Variants in HDAC9 observed in about 807,000 individuals in gnomAD.
HDAC9 encodes the protein histone deacetylase 9, also known as MEF-2 interacting transcription repressor (MITR) protein.
HDAC9 carries 41 observed loss-of-function variants against 139.4 expected under a neutral mutation model. The observed-to-expected ratio is 0.29, with a 90% CI of 0.23 to 0.38. The LOEUF (loss-of-function observed/expected upper bound fraction) is 0.38. HDAC9 is among the 10% of genes least tolerant of loss of function. The pLI is 1.00. For missense variants in HDAC9, 1,147 were observed against 1,297.0 expected (o/e 0.88, Z 1.78); for synonymous variants, 517 against 476.2 (o/e 1.09, Z -1.12).
intron 23 of HDAC9, chr7:18,949,449 A>G (rs1157546106): frequency 8.8e-6 from 2 of 226,686 alleles, no homozygotes; most frequent in Admixed American, 4.1e-5. Flanking sequence ...GCCCTGAACT[A>G]TGCTTCAACC....
At chr7:18,954,409 A>C in intron 24 of HDAC9, 179 bp downstream of exon 24, 1 of 516,326 alleles carries the variant, frequency 1.9e-6, no homozygotes, top group Middle Eastern at 5.1e-4. Flanking sequence ...CTGATGACAA[A>C]ACGTAGAGAC....
At chr7:18,801,616 A>G (rs989838101) in intron 17 of HDAC9, among the ~76,000 whole-genome samples, 2 of 152,010 alleles carry the variant, frequency 1.3e-5, no homozygotes, top group Admixed American at 1.3e-4. Flanking sequence ...CTGTCTCTAT[A>G]TTTCTCTACT....
intron 15 of HDAC9, among the ~76,000 whole-genome samples, chr7:18,766,543 G>A (rs1789847387): frequency 6.6e-6 from 1 of 152,064 alleles, no homozygotes; most frequent in Non-Finnish European, 1.5e-5. Flanking sequence ...AGTGGCCTAT[G>A]GTGTACTTGG....
chr7:18,876,486 T>G (rs577321637), intron 22 of HDAC9, among the ~76,000 whole-genome samples: 12 of 152,180 alleles, frequency 7.9e-5, no homozygotes, highest in Non-Finnish European at 1.5e-4. Flanking sequence ...GAAAAATATA[T>G]ACAATGAGAA....
chr7:18,749,742 A>G (rs1225078332), intron 14 of HDAC9, among the ~76,000 whole-genome samples: 2 of 152,182 alleles, frequency 1.3e-5, no homozygotes, highest in Non-Finnish European at 2.9e-5. Flanking sequence ...CAACAGTCAT[A>G]TCAATTCAGA....
intron 2 of HDAC9, among the ~76,000 whole-genome samples, chr7:18,280,762 C>CAA (rs11459678): frequency 0.2 from 29,235 of 145,934 alleles, 3,172 homozygotes; most frequent in South Asian, 0.34. Context: ...GACCCTGTCT[C>CAA]AAAAAAAATA....
At chr7:18,444,905 A>G (rs1252914264) in intron 1 of HDAC9, among the ~76,000 whole-genome samples, 3 of 152,220 alleles carry the variant, frequency 2.0e-5, no homozygotes, top group Non-Finnish European at 4.4e-5. Flanking sequence ...CTAGCAATAG[A>G]AAATATTATC....
At chr7:18,983,151 T>C (rs1189106040) in intron 25 of HDAC9, among the ~76,000 whole-genome samples, 1 of 152,202 alleles carries the variant, frequency 6.6e-6, no homozygotes, top group Admixed American at 6.5e-5. Context: ...CTGCTTTCTG[T>C]TTCAGAGTTT....
chr7:18,186,554 A>G (rs1021004252), intron 2 of HDAC9, among the ~76,000 whole-genome samples: 1 of 152,194 alleles, frequency 6.6e-6, no homozygotes, highest in Non-Finnish European at 1.5e-5. Flanking sequence ...TAGGGAGAAA[A>G]TAGAAGAGAG....
chr7:18,723,024 C>G (rs1785255352), intron 12 of HDAC9, among the ~76,000 whole-genome samples: 1 of 152,116 alleles, frequency 6.6e-6, no homozygotes, highest in South Asian at 2.1e-4. Flanking sequence ...CCTCAAATCA[C>G]TGGACCTTTT....
chr7:18,681,001 A>C lies in HDAC9; in HGVS notation c.1731+14525A>C, dbSNP rs555978146. Among the ~76,000 whole-genome samples the C allele has an allele frequency of 9.2e-5, 14 of 152,178 alleles. No individual in the cohort carries two copies. In the South Asian group the frequency reaches 2.9e-3, roughly 32 times the overall value. ...AGATGAAGAAGAGCTGTTGCTTTCT[A>C]TGGCTTAATACAGGATTGAGATGAT... On this transcript the variant is annotated intron_variant, in intron 12 of 25. Transcript: ENST00000686413.
rs549962093 is a variant in HDAC9 at position 18,611,433 on chromosome 7, T to C, written c.664+17404T>C. Among the ~76,000 whole-genome samples the C allele has an allele frequency of 1.8e-3, 279 of 152,258 alleles. 1 individual carries two copies. Among genetic ancestry groups the C allele is most frequent in the Non-Finnish European group, 2.9e-3 (194 of 67,986 alleles). On this transcript the variant is annotated intron_variant, in intron 6 of 25. Coordinates refer to ENST00000686413, the MANE Select transcript of HDAC9 (RefSeq NM_178425.4). ...TGTGCTAGATCCATTTTAGGCATCTTACCTATATCTTATTAACTCTATGCA... is the reference window on the plus strand; with the variant it reads ...TGTGCTAGATCCATTTTAGGCATCTCACCTATATCTTATTAACTCTATGCA...
At chr7:18,886,196 A>G (rs1253366430) in intron 22 of HDAC9, among the ~76,000 whole-genome samples, 1 of 152,192 alleles carries the variant, frequency 6.6e-6, no homozygotes, top group African/African-American at 2.4e-5. Flanking sequence ...TCAATTGCCT[A>G]TTTCCTCATA....
At chr7:18,114,102 G>A (rs549147271) in intron 1 of HDAC9, among the ~76,000 whole-genome samples, 1 of 152,280 alleles carries the variant, frequency 6.6e-6, no homozygotes, top group Admixed American at 6.5e-5. Flanking sequence ...TAACACTGTT[G>A]TAGCCCACTC....
At chr7:18,614,600 A>T (rs1158443087) in intron 6 of HDAC9, among the ~76,000 whole-genome samples, 1 of 152,038 alleles carries the variant, frequency 6.6e-6, no homozygotes, top group Non-Finnish European at 1.5e-5. Context: ...TTCTTGTCTG[A>T]TGCTTAGTAC....
chr7:18,144,483 A>G (rs1224894557), intron 1 of HDAC9, among the ~76,000 whole-genome samples: 2 of 152,150 alleles, frequency 1.3e-5, no homozygotes, highest in Non-Finnish European at 2.9e-5. Context: ...CCCCACTCCT[A>G]TTATTCTAAT....
chr7:18,195,226 T>C (rs1429777275), intron 2 of HDAC9, among the ~76,000 whole-genome samples: 1 of 152,124 alleles, frequency 6.6e-6, no homozygotes, highest in African/African-American at 2.4e-5. Flanking sequence ...AAACCTAAGG[T>C]TCCCATATTT....
intron 6 of HDAC9, among the ~76,000 whole-genome samples, chr7:18,602,944 C>G (rs1834389071): frequency 6.6e-6 from 1 of 152,040 alleles, no homozygotes; most frequent in Admixed American, 6.6e-5. Flanking sequence ...CCTTCCAGTT[C>G]TAACAGGTTT....
At chr7:18,658,159 C>T (rs6973548) in intron 11 of HDAC9, among the ~76,000 whole-genome samples, 37,407 of 152,002 alleles carry the variant, frequency 0.25, 7,355 homozygotes, top group African/African-American at 0.53. Context: ...CTTCTTTCAG[C>T]TCCCTATCAC....
Sources: gnomAD v4.1 joint callset for allele counts (sites outside exome capture counted in the v4.1 genomes callset) on GRCh38, gnomAD v4.1.1 for gene constraint, MANE v1.5 for transcripts, NCBI Gene and HGNC (gene_info 2026-07-23, HGNC 2026-07-21) for gene names.